The following TTC7B variants were observed in gnomAD, a reference collection of about 807,000 sequenced individuals.
TTC7B encodes tetratricopeptide repeat protein 7B.
TTC7B carries 28 observed loss-of-function variants against 106.8 expected under a neutral mutation model. The observed-to-expected ratio is 0.26, with a 90% confidence interval of 0.19 to 0.36. TTC7B has a LOEUF of 0.36. TTC7B is among the 10% of genes least tolerant of loss of function. TTC7B has a pLI of 1.00. For synonymous variants in TTC7B, 405 were observed against 430.6 expected, an observed-to-expected ratio of 0.94 and a Z score of 0.74; for missense variants, 862 against 1,076.4, an observed-to-expected ratio of 0.80 and a Z score of 2.79.
intron 19 of TTC7B, among the ~76,000 whole-genome samples, chr14:90,544,572 G>T (rs1449063264): frequency 6.6e-6 from 1 of 152,208 alleles, no homozygotes; most frequent in East Asian, 1.9e-4. Flanking sequence ...TCAAAGGCCA[G>T]CAGAACAAAT....
chr14:90,542,026 G>A (rs1317542358), intron 19 of TTC7B, among the ~76,000 whole-genome samples: 7 of 152,118 alleles, frequency 4.6e-5, no homozygotes, highest in Non-Finnish European at 7.4e-5. Context: ...TGCAAGCTCC[G>A]CCTCCCGGGT....
intron 3 of TTC7B, among the ~76,000 whole-genome samples, chr14:90,769,927 T>G (rs1028217459): frequency 9.9e-5 from 15 of 151,840 alleles, no homozygotes; most frequent in African/African-American, 3.4e-4. Context: ...GGCAGGAGAG[T>G]CATTTGATAC....
intron 5 of TTC7B, among the ~76,000 whole-genome samples, chr14:90,723,712 A>T (rs1246487409): frequency 6.6e-6 from 1 of 152,096 alleles, no homozygotes; most frequent in Non-Finnish European, 1.5e-5. Flanking sequence ...GCCTTCTGTT[A>T]TTTGCTTTCA....
intron 15 of TTC7B, among the ~76,000 whole-genome samples, chr14:90,627,792 G>C (rs1263009311): frequency 6.6e-6 from 1 of 152,154 alleles, no homozygotes; most frequent in Non-Finnish European, 1.5e-5. Flanking sequence ...TAGTTAGCTG[G>C]AATAAATCAC....
At chr14:90,677,851 A>G in intron 8 of TTC7B, 1 of 455,634 alleles carries the variant, frequency 2.2e-6, no homozygotes, top group Non-Finnish European at 4.4e-6. Context: ...TTAAATGTCA[A>G]AGACAAATAA....
At chr14:90,646,677 G>T in intron 14 of TTC7B, 2 of 444,114 alleles carry the variant, frequency 4.5e-6, no homozygotes, top group Non-Finnish European at 8.3e-6. Context: ...GCCATGTGCT[G>T]CTCCCCAGGT....
rs1886847374 is a variant in TTC7B, at chr14:90,676,551, C to T, written c.1124G>A (p.Arg375Lys). ...VYDLLTIALG[R>K]RGQYEMLSEC... ...TGACAGCATCTCATACTGGCCTCTT[C>T]TTCCAAGAGCAATGGTGAGTAAGTC... Residue 375 changes from arginine to lysine, a missense_variant, in exon 9 of 20, where the codon AGA (arginine) becomes AAA (lysine). Transcript: ENST00000328459. 3.1e-6 allele frequency: 5 copies of T among 1,614,004 alleles called. No individual in the cohort carries two copies. The highest frequency in any genetic ancestry group is 3.4e-6 in the Non-Finnish European group (4 of 1,179,988).
At chr14:90,618,098 C>A in intron 15 of TTC7B, 53 bp from the exon 16 acceptor site, 1 of 1,367,756 alleles carries the variant, frequency 7.3e-7, no homozygotes, top group Non-Finnish European at 1.0e-6. Context: ...CACAGAGTCC[C>A]CATCCCAGCA....
At position 90,808,792 on chromosome 14, in the gene TTC7B, AC is replaced by A. The variant is rs1485328809; in HGVS notation, c.121+7382del. On this transcript the variant is annotated intron_variant, in intron 1 of 19. Transcript: ENST00000328459. This position sits in a 1 kb window ranked among gnomAD's most constrained non-coding sequence, Gnocchi z 4.2. ...AAAGGCCTGCAACCCGCCACCATCT[AC>A]CAAGCATGAGGTCATTCAGAGGGGC... Among the ~76,000 whole-genome samples, 1 of 152,092 alleles carries A rather than the reference AC, an allele frequency of 6.6e-6. No homozygotes were observed. The highest frequency in any genetic ancestry group is 1.5e-5 in the Non-Finnish European group (1 of 68,000).
chr14:90,556,718 C>A (rs184815818), intron 19 of TTC7B, among the ~76,000 whole-genome samples: 3 of 152,294 alleles, frequency 2.0e-5, no homozygotes, highest in Non-Finnish European at 4.4e-5. Context: ...GAAGCCAGTG[C>A]CCCTGCACTT....
chr14:90,660,395 C>CA (rs57030874), intron 9 of TTC7B, among the ~76,000 whole-genome samples: 2,529 of 40,900 alleles, frequency 0.062, 342 homozygotes, highest in East Asian at 0.08. Flanking sequence ...CACCCTGTCT[C>CA]AAAAAAAAAA....
At chr14:90,812,585 A>G (rs1222876197) in intron 1 of TTC7B, among the ~76,000 whole-genome samples, 2 of 151,706 alleles carry the variant, frequency 1.3e-5, no homozygotes, top group Admixed American at 6.6e-5. Flanking sequence ...CCCAGGCCAC[A>G]CTTCAGCCCA....
chr14:90,527,020 C>T lies in TTC7B; in HGVS notation c.*14348G>A, dbSNP rs1309099451. On this transcript the variant is annotated 3_prime_UTR_variant, in exon 20 of 20. Transcript: ENST00000328459. ...TTCTTAGACTTTTCTTTTTCATGCT[C>T]TTGGTAGTTTTGAGGGGTATTGGTC... 2 of 152,002 alleles carry T rather than the reference C, an allele frequency of 1.3e-5. No homozygotes were observed. Among genetic ancestry groups the T allele is most frequent in the Non-Finnish European group, 2.9e-5 (2 of 68,016 alleles). 9.4% of individuals were successfully genotyped at this position (152,002 alleles called of 1,614,324 possible). A position where few individuals can be genotyped will look rare whatever the true frequency, so the allele number is the denominator to read the frequency against.
At chr14:90,705,567 T>C (rs774762957) in intron 5 of TTC7B, among the ~76,000 whole-genome samples, 2 of 152,028 alleles carry the variant, frequency 1.3e-5, no homozygotes, top group Non-Finnish European at 2.9e-5. Context: ...TTTTATTCGA[T>C]AAAATATAGA....
At chr14:90,567,552 T>G (rs1566774102) in intron 19 of TTC7B, 1 of 152,214 alleles carries the variant, frequency 6.6e-6, no homozygotes, top group Non-Finnish European at 1.5e-5. Flanking sequence ...GCGTTAGCCC[T>G]GGAGGAGTTC....
chr14:90,619,706 A>G (rs1386911516), intron 15 of TTC7B, among the ~76,000 whole-genome samples: 4 of 152,190 alleles, frequency 2.6e-5, no homozygotes, highest in African/African-American at 7.2e-5. Context: ...TTCAACAGAT[A>G]TGGAAACTGA....
In TTC7B at chr14:90,570,250, C is replaced by T. The variant is rs770342437; in HGVS notation, c.2310+7856G>A. Among the ~76,000 whole-genome samples the T allele has an allele frequency of 1.3e-5, 2 of 152,202 alleles. No homozygotes were observed. On this transcript the variant is annotated intron_variant, in intron 19 of 19. Coordinates refer to ENST00000328459, the MANE Select transcript of TTC7B (RefSeq NM_001010854.2). The surrounding 1 kb of genome is among the most constrained non-coding windows in gnomAD (Gnocchi z 4.0). ...TCCATTAATCAGCCTGACCAAGCCT[C>T]GTGATCTCATGTCAAATCACATGGC...
chr14:90,723,456 A>G (rs1595319604), intron 5 of TTC7B, among the ~76,000 whole-genome samples: 1 of 152,330 alleles, frequency 6.6e-6, no homozygotes, highest in East Asian at 1.9e-4. Context: ...CTTCTGGGTA[A>G]GCCAGACTGA....
At chr14:90,763,633 T>C (rs1890577211) in intron 3 of TTC7B, among the ~76,000 whole-genome samples, 1 of 152,104 alleles carries the variant, frequency 6.6e-6, no homozygotes, top group South Asian at 2.1e-4. Context: ...AAAAACAATA[T>C]AATAGCTAAT....
Sources: gnomAD v4.1 joint callset for allele counts (sites outside exome capture counted in the v4.1 genomes callset) on GRCh38, gnomAD v4.1.1 for gene constraint, Gnocchi (gnomAD v3.1) non-coding constraint, MANE v1.5 for transcripts, NCBI Gene and HGNC (gene_info 2026-07-23, HGNC 2026-07-21) for gene names.